Variants in BDH2 observed in about 807,000 individuals in gnomAD.
BDH2 encodes the protein 3-hydroxybutyrate dehydrogenase 2, also known as dehydrogenase/reductase SDR family member 6.
Under a neutral mutation model 33.2 loss-of-function variants are expected in BDH2, and 24 were observed. The ratio of observed to expected loss-of-function variants is 0.72; its 90% CI spans 0.52 to 1.02. BDH2 has a LOEUF of 1.02. BDH2 is among the 50% of genes least tolerant of loss of function. BDH2 has a pLI of 0.00. For missense variants in BDH2, 249 were observed against 301.6 expected, an observed-to-expected ratio of 0.83 and a Z score of 1.29; for synonymous variants, 81 against 101.6, an observed-to-expected ratio of 0.80 and a Z score of 1.22.
chr4:103,085,505 T>C lies in BDH2; in HGVS notation c.419-43A>G, dbSNP rs780230237. Reference sequence around the variant, plus strand: ...GTTCAACAATTGAAGGAATAAAAAATGTATTTTCCTTCAGAAAGGTAACAC... The same window carrying C: ...GTTCAACAATTGAAGGAATAAAAAACGTATTTTCCTTCAGAAAGGTAACAC... On this transcript the variant is annotated intron_variant, in intron 6 of 9. Transcript: ENST00000296424. 31 of 1,536,830 alleles carry C rather than the reference T, an allele frequency of 2.0e-5. 1 individual carries two copies. The highest frequency in any genetic ancestry group is 2.6e-5 in the Non-Finnish European group (29 of 1,122,870).
chr4:103,093,434 T>C (rs1011428536), intron 3 of BDH2, among the ~76,000 whole-genome samples: 2 of 151,902 alleles, frequency 1.3e-5, no homozygotes, highest in Non-Finnish European at 2.9e-5. Flanking sequence ...ATGAGAGATC[T>C]GGCATGGCGG....
chr4:103,090,796 T>A (rs1450842225), intron 5 of BDH2, among the ~76,000 whole-genome samples: 1 of 152,180 alleles, frequency 6.6e-6, no homozygotes, highest in Admixed American at 6.5e-5. Context: ...AGGGGCCGCA[T>A]TGATATCCTA....
chr4:103,090,731 A>C (rs1044490262), intron 5 of BDH2, among the ~76,000 whole-genome samples: 34 of 152,224 alleles, frequency 2.2e-4, no homozygotes, highest in African/African-American at 8.2e-4. Context: ...CTGAATGATC[A>C]GCTGTCTCAC....
intron 1 of BDH2, among the ~76,000 whole-genome samples, chr4:103,096,643 C>A: frequency 6.7e-6 from 1 of 150,092 alleles, no homozygotes; most frequent in Non-Finnish European, 1.5e-5. Flanking sequence ...TAGGTTCAAG[C>A]AATTCTCCTG....
At chr4:103,087,632 G>C (rs1454958666) in intron 5 of BDH2, among the ~76,000 whole-genome samples, 1 of 152,174 alleles carries the variant, frequency 6.6e-6, no homozygotes, top group Non-Finnish European at 1.5e-5. Flanking sequence ...TGTCCTCCTA[G>C]ACAGTGTACA....
chr4:103,088,716 G>C (rs1747925185), intron 5 of BDH2, among the ~76,000 whole-genome samples: 1 of 152,182 alleles, frequency 6.6e-6, no homozygotes. Flanking sequence ...TATCTAGTTA[G>C]TCTTACTCTG....
At chr4:103,083,697 G>A (rs1005545408) in intron 7 of BDH2, among the ~76,000 whole-genome samples, 3 of 152,086 alleles carry the variant, frequency 2.0e-5, no homozygotes, top group Non-Finnish European at 2.9e-5. Flanking sequence ...GAGTACTCTG[G>A]CAAATAATGT....
chr4:103,086,162 C>A, intron 6 of BDH2: 3 of 1,128,842 alleles, frequency 2.7e-6, no homozygotes, highest in Non-Finnish European at 3.3e-6. Context: ...AGAGCACATA[C>A]CGGTGCTCAA....
intron 4 of BDH2, among the ~76,000 whole-genome samples, chr4:103,091,947 T>G (rs1221983361): frequency 6.6e-6 from 1 of 152,212 alleles, no homozygotes; most frequent in Non-Finnish European, 1.5e-5. Context: ...GTTAGTTTGT[T>G]GTAAGAGAGA....
At chr4:103,090,155 T>G (rs1385883269) in intron 5 of BDH2, among the ~76,000 whole-genome samples, 1 of 152,114 alleles carries the variant, frequency 6.6e-6, no homozygotes. Context: ...CAACCTTGAG[T>G]TGAGCTGGCT....
At chr4:103,084,922 AT>A (rs59522566) in intron 7 of BDH2, among the ~76,000 whole-genome samples, 36,598 of 151,970 alleles carry the variant, frequency 0.24, 4,771 homozygotes, top group Middle Eastern at 0.35. Flanking sequence ...ACCACCCCCC[AT>A]TATCAATTGT....
intron 5 of BDH2, 30 bp from the exon 6 acceptor site, chr4:103,086,570 A>C: frequency 1.9e-6 from 3 of 1,573,240 alleles, no homozygotes; most frequent in Non-Finnish European, 2.6e-6. Context: ...ACAAAAAAAA[A>C]AAAATCCACT....
In BDH2 at chr4:103,091,275, G is replaced by T; in HGVS notation, c.259C>A (p.His87Asn). ...TCCTCACAATCCAGGACAGTTCCATGATGGACAAAACTAGAAGAGTGATTA... is the reference window on the plus strand; with the variant it reads ...TCCTCACAATCCAGGACAGTTCCATTATGGACAAAACTAGAAGAGTGATTA... ...VLFNVAGFVHHGTVLDCEEKD... is the reference protein window; with the variant it reads ...VLFNVAGFVHNGTVLDCEEKD... The change falls in exon 5 of 10, where the codon CAT becomes AAT. Residue 87 changes from histidine (H) to asparagine (N), a missense_variant. His to Asn is a moderately conservative substitution (Grantham distance 68). Coordinates refer to ENST00000296424, the MANE Select transcript of BDH2 (RefSeq NM_020139.4). 1.2e-6 allele frequency: 2 copies of T among 1,609,930 alleles called. No homozygotes were observed. Among genetic ancestry groups the T allele is most frequent in the Non-Finnish European group, 1.7e-6 (2 of 1,176,396 alleles).
chr4:103,097,096 C>T (rs1043680508), intron 1 of BDH2, among the ~76,000 whole-genome samples: 15 of 149,972 alleles, frequency 1.0e-4, no homozygotes, highest in African/African-American at 3.7e-4. Context: ...AGATATTCAT[C>T]GAAAAAAAAA....
chr4:103,092,940 T>C (rs1261880031), intron 3 of BDH2, among the ~76,000 whole-genome samples: 1 of 152,218 alleles, frequency 6.6e-6, no homozygotes, highest in East Asian at 1.9e-4. Context: ...AGTTGAATAA[T>C]AAGGGTCCTT....
intron 1 of BDH2, chr4:103,097,904 A>G (rs1210765412): frequency 6.6e-6 from 1 of 151,724 alleles, no homozygotes; most frequent in Non-Finnish European, 1.5e-5. Context: ...GGCTTATATT[A>G]CCTAGTCCTT....
intron 3 of BDH2, among the ~76,000 whole-genome samples, chr4:103,094,009 G>A (rs1379314619): frequency 6.6e-6 from 1 of 152,008 alleles, no homozygotes; most frequent in African/African-American, 2.4e-5. Context: ...GTTCTATTTT[G>A]CTGTAAGGGT....
intron 2 of BDH2, among the ~76,000 whole-genome samples, chr4:103,095,888 C>G (rs6831995): frequency 6.6e-6 from 1 of 152,108 alleles, no homozygotes; most frequent in Non-Finnish European, 1.5e-5. Context: ...CCTGTTTGCC[C>G]TCTGTAGCGA....
Position 103,086,509 on chromosome 4 carries a change from TTGA to T in BDH2, c.386_388del (p.Ile129del), listed in dbSNP as rs371187119. 941 of 1,612,232 alleles carry T rather than the reference TTGA, an allele frequency of 5.8e-4. 14 individuals are homozygous for T. In the East Asian group the frequency reaches 0.018, roughly 30 times the overall value. ...GACGCTGGAAGCCACAGAAGACATG[TTGA>T]TAATATTGCCAGATTTCTGAGCAAG... is the stretch of plus-strand genomic sequence containing the variant. On this transcript the variant is annotated inframe_deletion, in exon 6 of 10. Transcript: ENST00000296424.
Sources: gnomAD v4.1 joint callset for allele counts (sites outside exome capture counted in the v4.1 genomes callset) on GRCh38, gnomAD v4.1.1 for gene constraint, MANE v1.5 for transcripts, NCBI Gene and HGNC (gene_info 2026-07-23, HGNC 2026-07-21) for gene names.